DIAPH2: variants seen among roughly 807,000 people sequenced by gnomAD.
DIAPH2 encodes protein diaphanous homolog 2.
In DIAPH2, 35 loss-of-function variants were observed where a neutral mutation model predicts 92.7. The ratio of observed to expected loss-of-function variants is 0.38; its 90% CI spans 0.29 to 0.50. The LOEUF (loss-of-function observed/expected upper bound fraction) is 0.50, where lower values mean the gene tolerates loss of function less well. Ranked by LOEUF, DIAPH2 falls within the 20% of genes least tolerant of loss-of-function variation. DIAPH2 has a pLI of 0.94. For missense variants in DIAPH2, 701 were observed against 819.5 expected (o/e 0.86, Z 1.77); for synonymous variants, 301 against 280.4 (o/e 1.07, Z -0.73).
chrX:97,351,161 A>G (rs2069208932), intron 24 of DIAPH2, among the ~76,000 whole-genome samples: 1 of 112,570 alleles, frequency 8.9e-6, no homozygotes, highest in Non-Finnish European at 1.9e-5. Flanking sequence ...TGGGTGGGAC[A>G]TATAACCTCT....
At chrX:96,880,113 C>T (rs183317661) in intron 4 of DIAPH2, among the ~76,000 whole-genome samples, 1 of 111,506 alleles carries the variant, frequency 9.0e-6, no homozygotes, top group East Asian at 2.8e-4. Context: ...AATATGGGAG[C>T]TCAAAGTATG....
At chrX:97,447,943 G>A (rs772081943) in intron 26 of DIAPH2, among the ~76,000 whole-genome samples, 4 of 111,622 alleles carry the variant, frequency 3.6e-5, no homozygotes, top group Non-Finnish European at 7.5e-5. Flanking sequence ...TAAATATCAC[G>A]CTATTTAAGA....
intron 22 of DIAPH2, among the ~76,000 whole-genome samples, chrX:97,212,092 C>T (rs2067844816): frequency 8.9e-6 from 1 of 111,774 alleles, no homozygotes; most frequent in African/African-American, 3.2e-5. Flanking sequence ...TGAGATTCCA[C>T]CTTTCCATGG....
Position 96,945,601 on chromosome X carries a change from T to C in DIAPH2, c.1509+10T>C, listed in dbSNP as rs763380540. The C allele has an allele frequency of 1.8e-6, 2 of 1,115,489 alleles. No individual in the cohort carries two copies. The highest frequency in any genetic ancestry group is 2.4e-6 in the Non-Finnish European group (2 of 844,000). The allele number at this position is 1,115,489 out of a possible 1,213,427, so 91.9% of individuals were successfully genotyped here. Reference sequence around the variant, plus strand: ...AGAGTTTTCAAAGAAGGTAAGCTTATAAAATATTAGCCATAATCGTTAGGT... The same window carrying C: ...AGAGTTTTCAAAGAAGGTAAGCTTACAAAATATTAGCCATAATCGTTAGGT... On this transcript the variant is annotated intron_variant, in intron 14 of 26. Transcript: ENST00000324765.
At chrX:96,948,777 G>A (rs1178873266) in intron 14 of DIAPH2, among the ~76,000 whole-genome samples, 158 bp from the exon 15 acceptor site, 2 of 110,022 alleles carry the variant, frequency 1.8e-5, no homozygotes, top group Non-Finnish European at 3.8e-5. Flanking sequence ...CCTCCACTTG[G>A]ATACTTAATT....
At chrX:97,345,508 T>C (rs1440191054) in intron 23 of DIAPH2, among the ~76,000 whole-genome samples, 1 of 111,661 alleles carries the variant, frequency 9.0e-6, no homozygotes, top group Non-Finnish European at 1.9e-5. Flanking sequence ...TAAAACACAG[T>C]GAAGAATTCA....
chrX:97,508,560 C>G (rs1291981149), intron 26 of DIAPH2, among the ~76,000 whole-genome samples: 1 of 112,072 alleles, frequency 8.9e-6, no homozygotes, highest in African/African-American at 3.2e-5. Context: ...GTTATGCCAG[C>G]AAACCTACAT....
intron 4 of DIAPH2, among the ~76,000 whole-genome samples, chrX:96,801,746 T>G (rs1426784898): frequency 8.9e-6 from 1 of 111,865 alleles, no homozygotes; most frequent in Non-Finnish European, 1.9e-5. Context: ...TGTTTTTATA[T>G]TTCTAAAATA....
intron 9 of DIAPH2, among the ~76,000 whole-genome samples, chrX:96,927,416 T>G (rs1267894608): frequency 9.2e-6 from 1 of 109,007 alleles, no homozygotes; most frequent in Non-Finnish European, 1.9e-5. Context: ...TATTCAGCAA[T>G]GAGTTTTGTA....
chrX:96,687,027 C>T (rs983350558), intron 1 of DIAPH2, among the ~76,000 whole-genome samples: 2 of 111,503 alleles, frequency 1.8e-5, no homozygotes, highest in African/African-American at 6.5e-5. Flanking sequence ...TCTTAAACTC[C>T]TGAAATTGTA....
chrX:96,979,556 C>G (rs1029680306), intron 17 of DIAPH2, among the ~76,000 whole-genome samples: 2 of 112,316 alleles, frequency 1.8e-5, no homozygotes, highest in Non-Finnish European at 3.8e-5. Flanking sequence ...GATGACACTT[C>G]CATCAGAATG....
intron 17 of DIAPH2, among the ~76,000 whole-genome samples, chrX:96,974,019 G>A (rs1191027084): frequency 8.9e-6 from 1 of 112,012 alleles, no homozygotes; most frequent in Admixed American, 9.5e-5. Context: ...TTTGGTATCT[G>A]CAAGGGCTCC....
intron 23 of DIAPH2, among the ~76,000 whole-genome samples, chrX:97,276,369 A>G (rs892783743): frequency 2.7e-5 from 3 of 111,814 alleles, no homozygotes; most frequent in Non-Finnish European, 3.8e-5. Context: ...TCCTAAAACT[A>G]TATGTGGTAG....
chrX:97,429,105 C>G (rs918086427), intron 25 of DIAPH2, among the ~76,000 whole-genome samples: 2 of 111,731 alleles, frequency 1.8e-5, no homozygotes, highest in African/African-American at 6.5e-5. Flanking sequence ...TCACCTTTTT[C>G]TTTATACAGT....
chrX:97,449,990 G>A (rs1421320615), intron 26 of DIAPH2, among the ~76,000 whole-genome samples: 1 of 109,241 alleles, frequency 9.2e-6, no homozygotes, highest in Non-Finnish European at 1.9e-5. Context: ...AGTGGATCAA[G>A]CGATTGTTAT....
chrX:97,536,260 C>T (rs192681745), intron 26 of DIAPH2, among the ~76,000 whole-genome samples: 7 of 112,019 alleles, frequency 6.2e-5, no homozygotes, highest in Admixed American at 9.5e-5. Flanking sequence ...GACCATTTTT[C>T]ACCTTGAAAA....
At chrX:97,209,960 C>T (rs939537323) in intron 22 of DIAPH2, among the ~76,000 whole-genome samples, 12 of 111,075 alleles carry the variant, frequency 1.1e-4, no homozygotes, top group African/African-American at 3.9e-4. Flanking sequence ...TTTTGCACAT[C>T]TGAAACATAG....
intron 23 of DIAPH2, among the ~76,000 whole-genome samples, chrX:97,336,519 T>G (rs12353556): frequency 9.1e-6 from 1 of 110,110 alleles, no homozygotes; most frequent in Non-Finnish European, 1.9e-5. Context: ...AAAGTGCTGG[T>G]ATTACAGTTG....
chrX:97,032,087 T>C (rs2066379427), intron 17 of DIAPH2, among the ~76,000 whole-genome samples: 2 of 111,477 alleles, frequency 1.8e-5, no homozygotes, highest in Non-Finnish European at 3.8e-5. Context: ...TTGCAGTATT[T>C]AGGAGTTTAG....
Sources: gnomAD v4.1 joint callset for allele counts (sites outside exome capture counted in the v4.1 genomes callset) on GRCh38, gnomAD v4.1.1 for gene constraint, MANE v1.5 for transcripts, NCBI Gene and HGNC (gene_info 2026-07-23, HGNC 2026-07-21) for gene names.